CHID1: variants seen among roughly 807,000 people sequenced by gnomAD.
The protein encoded by CHID1 is chitinase domain-containing protein 1.
CHID1 carries 44 observed loss-of-function variants against 55.4 expected under a neutral mutation model. That is an observed-to-expected ratio of 0.79 (90% CI 0.62 to 1.02). CHID1 has a LOEUF of 1.02. CHID1 is among the 50% of genes least tolerant of loss of function. The probability of loss-of-function intolerance (pLI) is 0.00; values close to 1 mark genes in which losing one functional copy is unlikely to be tolerated. For missense variants in CHID1, 491 were observed against 515.3 expected, an observed-to-expected ratio of 0.95 and a Z score of 0.46; for synonymous variants, 216 against 212.9, an observed-to-expected ratio of 1.01 and a Z score of -0.13.
At chr11:901,010 A>G in intron 4 of CHID1, 30 bp from the exon 5 acceptor site, 1 of 1,578,724 alleles carries the variant, frequency 6.3e-7, no homozygotes, top group Non-Finnish European at 8.6e-7. Context: ...CAGTCAACAC[A>G]GGCACGTGCG....
chr11:878,397 C>T (rs1336782779), intron 10 of CHID1, among the ~76,000 whole-genome samples: 4 of 151,200 alleles, frequency 2.6e-5, no homozygotes, highest in South Asian at 4.2e-4. Context: ...CTGGGGACTC[C>T]GTCTCAAAAA....
chr11:876,618 G>A (rs1191925492), intron 10 of CHID1, among the ~76,000 whole-genome samples: 1 of 152,222 alleles, frequency 6.6e-6, no homozygotes, highest in Non-Finnish European at 1.5e-5. Flanking sequence ...ATCCTTGCCA[G>A]TGTCCTCCTT....
chr11:886,868 C>G (rs1295612445), intron 8 of CHID1, among the ~76,000 whole-genome samples: 1 of 152,166 alleles, frequency 6.6e-6, no homozygotes, highest in Non-Finnish European at 1.5e-5. Flanking sequence ...GCTCCTGAGC[C>G]ATGATCTCCC....
At chr11:912,547 T>G (rs908270360), upstream of CHID1, among the ~76,000 whole-genome samples, 6 of 152,110 alleles carry the variant, frequency 3.9e-5, 1 homozygote, top group South Asian at 8.3e-4. Flanking sequence ...GTACCTGCAT[T>G]GAAAACTGAC....
At chr11:893,891 G>T (rs549214338) in intron 7 of CHID1, among the ~76,000 whole-genome samples, 1 of 151,974 alleles carries the variant, frequency 6.6e-6, no homozygotes, top group East Asian at 1.9e-4. Context: ...CAGCACCTTG[G>T]GAGGCCGAGG....
At chr11:897,744 C>T (rs1189035056) in intron 7 of CHID1, among the ~76,000 whole-genome samples, 3 of 152,250 alleles carry the variant, frequency 2.0e-5, no homozygotes, top group Non-Finnish European at 4.4e-5. Flanking sequence ...GACAGAGGAG[C>T]CTCTTGGACA....
chr11:901,814 T>G (rs1436304907), intron 4 of CHID1, among the ~76,000 whole-genome samples: 1 of 151,852 alleles, frequency 6.6e-6, no homozygotes, highest in Admixed American at 6.6e-5. Flanking sequence ...AGAAACCCCC[T>G]CTACCAGGCC....
rs367567943 is a variant in CHID1, at chr11:870,517, T to C, written c.960-18A>G. 3.8e-6 allele frequency: 6 copies of C among 1,584,784 alleles called. No homozygotes were observed. The African/African-American group carries it at 6.7e-5, about 18-fold the overall frequency. ...GGATGTACCTGGGGAGACCAGGATA[T>C]GGATTTGGGAGCCCACCCAGCTCCC... On this transcript the variant is annotated intron_variant, in intron 10 of 12. Transcript: ENST00000323578.
upstream of CHID1, among the ~76,000 whole-genome samples, chr11:911,659 T>A (rs1431639325): frequency 6.6e-6 from 1 of 152,176 alleles, no homozygotes; most frequent in Non-Finnish European, 1.5e-5. Flanking sequence ...AAGCTTTGTC[T>A]TTCTTTCTAG....
chr11:870,338 CCTG>C (rs1204853098), intron 11 of CHID1, 78 bp downstream of exon 11: 1 of 1,367,878 alleles, frequency 7.3e-7, no homozygotes, highest in Non-Finnish European at 1.0e-6. Context: ...CCCCCTGGGC[CCTG>C]CTGCTCCCTC....
intron 3 of CHID1, 94 bp downstream of exon 3, chr11:902,868 C>T (rs1282182054): frequency 3.3e-5 from 39 of 1,183,548 alleles, no homozygotes; most frequent in Non-Finnish European, 4.0e-5. Context: ...ACATAGACCC[C>T]CATCACTGAC....
chr11:873,922 G>A (rs539030212), intron 10 of CHID1, among the ~76,000 whole-genome samples: 9 of 152,220 alleles, frequency 5.9e-5, no homozygotes, highest in South Asian at 4.2e-4. Flanking sequence ...AAAACACACC[G>A]AGACGCGCCA....
Position 870,264 on chromosome 11 carries a change from T to G in CHID1, c.1041-101A>C, listed in dbSNP as rs563877459. ...GCCTGTACTCCTCCCACCCACCAGG[T>G]GGCCACCTGCTGTCCAGCTGTGCTC... On this transcript the variant is annotated intron_variant, in intron 11 of 12. Transcript: ENST00000323578. 38 of 1,513,678 alleles carry G rather than the reference T, an allele frequency of 2.5e-5. No homozygotes were observed. In the African/African-American group the frequency reaches 5.2e-4, roughly 21 times the overall value. 93.8% of individuals were successfully genotyped at this position (1,513,678 alleles called of 1,614,324 possible). A position where few individuals can be genotyped will look rare whatever the true frequency, so the allele number is the denominator to read the frequency against.
In CHID1 at chr11:869,579, G is replaced by A. The variant is rs935286750; in HGVS notation, c.*279C>T. On this transcript the variant is annotated 3_prime_UTR_variant, in exon 13 of 13. Coordinates refer to ENST00000323578, the MANE Select transcript of CHID1 (RefSeq NM_023947.4). ...GGCCTGAGCCAGGCTGTCCTGGTGG[G>A]GCAGGTACTGTGGGCCCCGCCTGCC... 1.8e-6 allele frequency: 1 copy of A among 554,246 alleles called. No homozygotes were observed. Among genetic ancestry groups the A allele is most frequent in the Admixed American group, 3.2e-5 (1 of 31,568 alleles). 34.3% of individuals were successfully genotyped at this position (554,246 alleles called of 1,614,324 possible).
chr11:900,178 G>C (rs1359120250), intron 5 of CHID1, 68 bp from the exon 6 acceptor site: 1 of 1,304,728 alleles, frequency 7.7e-7, no homozygotes, highest in Non-Finnish European at 1.1e-6. Context: ...GCTGTTTGCT[G>C]CCTCAAAAAG....
intron 10 of CHID1, 97 bp downstream of exon 10, chr11:883,051 G>C: frequency 7.4e-7 from 1 of 1,346,412 alleles, no homozygotes; most frequent in South Asian, 1.4e-5. Context: ...AGAAGCCCCA[G>C]GGGACCGAGA....
chr11:893,996 CCT>C (rs1851054852), intron 7 of CHID1, among the ~76,000 whole-genome samples: 1 of 152,006 alleles, frequency 6.6e-6, no homozygotes, highest in Non-Finnish European at 1.5e-5. Context: ...GTGGCAGGTT[CCT>C]GTAATCCGAG....
At chr11:873,007 G>A (rs1251681398) in intron 10 of CHID1, among the ~76,000 whole-genome samples, 1 of 152,200 alleles carries the variant, frequency 6.6e-6, no homozygotes, top group Non-Finnish European at 1.5e-5. Flanking sequence ...CGCTGTGGGG[G>A]CAGCCATGAC....
In CHID1 at chr11:869,794, C is replaced by A; in HGVS notation, c.*64G>T. On this transcript the variant is annotated 3_prime_UTR_variant, in exon 13 of 13. Coordinates refer to ENST00000323578, the MANE Select transcript of CHID1 (RefSeq NM_023947.4). ...AAACGGAGTGGAGGCCTGTATTTCA[C>A]ACCTGCTCACTCACTCCATGGCTTA... The A allele has an allele frequency of 1.4e-6, 2 of 1,440,742 alleles. No individual in the cohort carries two copies. The highest frequency in any genetic ancestry group is 2.3e-5 in the South Asian group (2 of 87,384). The allele number at this position is 1,440,742 out of a possible 1,614,324, so 89.2% of individuals were successfully genotyped here.
Sources: gnomAD v4.1 joint callset for allele counts (sites outside exome capture counted in the v4.1 genomes callset) on GRCh38, gnomAD v4.1.1 for gene constraint, MANE v1.5 for transcripts, NCBI Gene and HGNC (gene_info 2026-07-23, HGNC 2026-07-21) for gene names.